Variants in IFT140 observed in about 807,000 individuals in gnomAD.
The protein encoded by IFT140 is intraflagellar transport protein 140 homolog.
IFT140 carries 133 observed loss-of-function variants against 164.6 expected under a neutral mutation model. That is an observed-to-expected ratio of 0.81 (90% confidence interval 0.70 to 0.93). The LOEUF (loss-of-function observed/expected upper bound fraction) is 0.93, where lower values mean the gene tolerates loss of function less well. Among genes scored for constraint, IFT140 ranks in the 40% least tolerant of loss-of-function variants. IFT140 has a pLI of 0.00. For synonymous variants in IFT140, 860 were observed against 817.3 expected, an observed-to-expected ratio of 1.05 and a Z score of -0.89; for missense variants, 2,045 against 1,972.3, an observed-to-expected ratio of 1.04 and a Z score of -0.70.
Position 1,510,812 on chromosome 16 carries a change from G to T in IFT140, c.*132C>A. On this transcript the variant is annotated 3_prime_UTR_variant, in exon 31 of 31. Transcript: ENST00000426508. ...CGCCGGCCCGGGCCGCTGCGTTCTC[G>T]CCCAGCTCTGTCGCGTATTCCAACA... 2 of 870,222 alleles carry T rather than the reference G, an allele frequency of 2.3e-6. No homozygotes were observed. The highest frequency in any genetic ancestry group is 3.7e-6 in the Non-Finnish European group (2 of 547,744). The allele number at this position is 870,222 out of a possible 1,614,324, so 53.9% of individuals were successfully genotyped here. A position where few individuals can be genotyped will look rare whatever the true frequency, so the allele number is the denominator to read the frequency against.
At chr16:1,584,639 T>C (rs1350512988) in intron 10 of IFT140, among the ~76,000 whole-genome samples, 1 of 152,072 alleles carries the variant, frequency 6.6e-6, no homozygotes, top group East Asian at 1.9e-4. Flanking sequence ...TGCTCAAGGG[T>C]TGTGATTGGA....
In IFT140 at chr16:1,588,000, G is replaced by A. The variant is rs761660257; in HGVS notation, c.835C>T (p.Arg279Cys). The change falls in exon 8 of 31, where the codon CGC becomes TGC. Residue 279 changes from arginine (R) to cysteine (C), a missense_variant. By Grantham distance (180) the Arg-to-Cys change is radical. Coordinates refer to ENST00000426508, the MANE Select transcript of IFT140 (RefSeq NM_014714.4). ...TCAATCAAAGCGATGTCTGCCCGGC[G>A]GCCGGTTTTCCCGCTCAGCTTGACC... ...MKVKLSGKTG[R>C]RADIALIEGS... 28 of 1,613,694 alleles carry A rather than the reference G, an allele frequency of 1.7e-5. No homozygotes were observed. Among genetic ancestry groups the A allele is most frequent in the African/African-American group, 2.7e-5 (2 of 74,882 alleles).
intron 19 of IFT140, among the ~76,000 whole-genome samples, chr16:1,554,387 G>C (rs66798554): frequency 1.3e-5 from 2 of 152,044 alleles, no homozygotes; most frequent in Non-Finnish European, 2.9e-5. Flanking sequence ...GCTGAGTCTG[G>C]GGGGCTAGGA....
At chr16:1,549,509 G>A (rs1003963268) in intron 19 of IFT140, among the ~76,000 whole-genome samples, 1 of 152,144 alleles carries the variant, frequency 6.6e-6, no homozygotes, top group Non-Finnish European at 1.5e-5. Flanking sequence ...GCTCACCGCC[G>A]CAAGCTCTGC....
chr16:1,597,409 G>C (rs556316556), intron 4 of IFT140, among the ~76,000 whole-genome samples: 1 of 152,318 alleles, frequency 6.6e-6, no homozygotes, highest in South Asian at 2.1e-4. Flanking sequence ...AGCAGGAGCA[G>C]GCCGTCCTAA....
intron 20 of IFT140, 92 bp from the exon 21 acceptor site, chr16:1,526,169 T>C (rs2040689097): frequency 1.6e-6 from 2 of 1,216,660 alleles, no homozygotes; most frequent in Non-Finnish European, 2.3e-6. Flanking sequence ...TCACCGCACC[T>C]TCCCACACCG....
intron 13 of IFT140, chr16:1,580,243 T>C (rs1396501990): frequency 6.5e-6 from 1 of 152,754 alleles, no homozygotes; most frequent in African/African-American, 2.4e-5. Flanking sequence ...GGATTCATTT[T>C]CACCATCAAG....
At chr16:1,602,291 T>A in intron 4 of IFT140, 79 bp downstream of exon 4, 2 of 1,241,632 alleles carry the variant, frequency 1.6e-6, no homozygotes, top group South Asian at 1.3e-5. Flanking sequence ...ACGGTTCCCA[T>A]ATTTTGATCT....
At chr16:1,554,401 GCCC>G (rs888303871) in intron 19 of IFT140, among the ~76,000 whole-genome samples, 1 of 152,152 alleles carries the variant, frequency 6.6e-6, no homozygotes, top group African/African-American at 2.4e-5. Context: ...GCTAGGAAAG[GCCC>G]CCCCAAGTTG....
At chr16:1,516,170 A>AAAAAAAAAAAAAAC in intron 30 of IFT140, among the ~76,000 whole-genome samples, 1 of 131,110 alleles carries the variant, frequency 7.6e-6, no homozygotes, top group Non-Finnish European at 1.6e-5. Context: ...AAAAAAAAAA[A>AAAAAAAAAAAAAAC]AAAAAAAACA....
Position 1,553,344 on chromosome 16 carries a change from C to T in IFT140, c.2399+4591G>A. 1.0e-6 allele frequency: 1 copy of T among 985,348 alleles called. No individual in the cohort carries two copies. The highest frequency in any genetic ancestry group is 1.2e-6 in the Non-Finnish European group (1 of 829,926). The allele number at this position is 985,348 out of a possible 1,614,324, so 61.0% of individuals were successfully genotyped here. ...TCTCTGTCCCTGTGTCTCTTTTTCT[C>T]CCATCCTCTCTCGATGCTGGGGCCA... On this transcript the variant is annotated intron_variant, in intron 19 of 30. Transcript: ENST00000426508. This position sits in a 1 kb window ranked among gnomAD's most constrained non-coding sequence, Gnocchi z 4.4.
intron 19 of IFT140, chr16:1,555,357 A>G: frequency 3.5e-6 from 1 of 289,296 alleles, no homozygotes; most frequent in Non-Finnish European, 6.5e-6. Flanking sequence ...TTGCTTTGGG[A>G]TTAATTTATT....
chr16:1,547,904 T>TG (rs1198774691), intron 19 of IFT140, among the ~76,000 whole-genome samples: 3 of 152,196 alleles, frequency 2.0e-5, no homozygotes, highest in African/African-American at 7.2e-5. Flanking sequence ...CTCACACTCC[T>TG]GGGCTCAAGT....
intron 19 of IFT140, among the ~76,000 whole-genome samples, chr16:1,538,831 G>C (rs1382871728): frequency 6.6e-6 from 1 of 152,152 alleles, no homozygotes; most frequent in Non-Finnish European, 1.5e-5. Flanking sequence ...TCACTGCTTG[G>C]GGCTGGCTGT....
At chr16:1,599,800 G>A (rs1158609136) in intron 4 of IFT140, among the ~76,000 whole-genome samples, 1 of 77,360 alleles carries the variant, frequency 1.3e-5, no homozygotes, top group African/African-American at 9.0e-5. Context: ...CCCCCCGCCC[G>A]GCCAGCCGCC....
chr16:1,510,815 C>T lies in IFT140; in HGVS notation c.*129G>A. ...CGGCCCGGGCCGCTGCGTTCTCGCC[C>T]AGCTCTGTCGCGTATTCCAACACAG... On this transcript the variant is annotated 3_prime_UTR_variant, in exon 31 of 31. Coordinates refer to ENST00000426508, the MANE Select transcript of IFT140 (RefSeq NM_014714.4). The T allele has an allele frequency of 1.1e-6, 1 of 894,850 alleles. No homozygotes were observed. The highest frequency in any genetic ancestry group is 1.5e-5 in the South Asian group (1 of 68,022). The allele number at this position is 894,850 out of a possible 1,614,324, so 55.4% of individuals were successfully genotyped here. A position where few individuals can be genotyped will look rare whatever the true frequency, so the allele number is the denominator to read the frequency against.
chr16:1,590,236 A>T (rs2035107478), intron 6 of IFT140, among the ~76,000 whole-genome samples: 1 of 151,020 alleles, frequency 6.6e-6, no homozygotes, highest in African/African-American at 2.4e-5. Context: ...AAAATGAAGC[A>T]TGTGACCTGA....
At chr16:1,525,436 G>T in intron 21 of IFT140, 110 bp from the exon 22 acceptor site, 1 of 810,098 alleles carries the variant, frequency 1.2e-6, no homozygotes, top group South Asian at 1.4e-5. Context: ...TGGCCCTCGG[G>T]GTGTGTGCTC....
intron 19 of IFT140, among the ~76,000 whole-genome samples, chr16:1,555,956 AT>A (rs1192664930): frequency 6.6e-6 from 1 of 152,026 alleles, no homozygotes; most frequent in East Asian, 1.9e-4. Context: ...CCAAAAAAAA[AT>A]TAGCCAGGCG....
Sources: allele counts gnomAD v4.1 joint callset (sites outside exome capture counted in the v4.1 genomes callset), GRCh38; gene constraint gnomAD v4.1.1; non-coding constraint Gnocchi (gnomAD v3.1); transcripts MANE v1.5; gene names NCBI Gene and HGNC (gene_info 2026-07-23, HGNC 2026-07-21).